Variants in PTPRO observed in about 807,000 individuals in gnomAD.
The protein encoded by PTPRO is receptor-type tyrosine-protein phosphatase O.
Under a neutral mutation model 145.2 loss-of-function variants are expected in PTPRO, and 62 were observed. The ratio of observed to expected loss-of-function variants is 0.43; its 90% confidence interval spans 0.35 to 0.53. The LOEUF is 0.53. PTPRO is among the 20% of genes least tolerant of loss of function. PTPRO has a pLI of 0.01. For synonymous variants in PTPRO, 565 were observed against 514.7 expected (o/e 1.10, Z -1.32); for missense variants, 1,345 against 1,482.7 (o/e 0.91, Z 1.53).
At position 15,443,308 on chromosome 12, in the gene PTPRO, G is replaced by C. The variant is rs556956861; in HGVS notation, c.76-40666G>C. ...CAGCCATATGCAGAAGAATGAAACTGGATCCCATATACTACAATTAACTGT... is the reference window on the plus strand; with the variant it reads ...CAGCCATATGCAGAAGAATGAAACTCGATCCCATATACTACAATTAACTGT... On this transcript the variant is annotated intron_variant, in intron 1 of 26. Coordinates refer to ENST00000281171, the MANE Select transcript of PTPRO (RefSeq NM_030667.3). 2.6e-5 allele frequency among the ~76,000 whole-genome samples: 4 copies of C among 152,088 alleles called. No homozygotes were observed. The East Asian group carries it at 7.7e-4, about 29-fold the overall frequency.
At chr12:15,360,785 T>C (rs1398710122) in intron 1 of PTPRO, among the ~76,000 whole-genome samples, 2 of 146,236 alleles carry the variant, frequency 1.4e-5, no homozygotes, top group African/African-American at 5.0e-5. Flanking sequence ...TGTGTATATA[T>C]GTGTGTATAT....
In PTPRO at chr12:15,557,639, G is replaced by T. The variant is rs534194575; in HGVS notation, c.2627+116G>T. ...GTCTGATTATCCTTTTGTAATTTCG[G>T]TGATGGTAGACTTTCAATGGCTAGA... is the stretch of plus-strand genomic sequence containing the variant. On this transcript the variant is annotated intron_variant, in intron 16 of 26. Coordinates refer to ENST00000281171, the MANE Select transcript of PTPRO (RefSeq NM_030667.3). The T allele has an allele frequency of 1.1e-4, 95 of 902,452 alleles. No individual in the cohort carries two copies. The East Asian group carries it at 1.9e-3, about 18-fold the overall frequency. The allele number at this position is 902,452 out of a possible 1,614,324, so 55.9% of individuals were successfully genotyped here.
At chr12:15,549,028 G>C in intron 13 of PTPRO, 66 bp from the exon 14 acceptor site, 1 of 1,508,764 alleles carries the variant, frequency 6.6e-7, no homozygotes, top group Non-Finnish European at 9.2e-7. Flanking sequence ...ACTCAACTAT[G>C]AAATATATTT....
At chr12:15,569,380 T>C in intron 18 of PTPRO, 37 bp from the exon 19 acceptor site, 3 of 1,522,596 alleles carry the variant, frequency 2.0e-6, no homozygotes, top group Non-Finnish European at 2.7e-6. Context: ...CAACAAGAAT[T>C]TTAAAATGTA....
intron 1 of PTPRO, among the ~76,000 whole-genome samples, chr12:15,385,811 C>CAA (rs761750012): frequency 0.013 from 483 of 36,578 alleles, 5 homozygotes; most frequent in Non-Finnish European, 0.015. Flanking sequence ...GACTCCATCT[C>CAA]AAAAAAAAAA....
intron 1 of PTPRO, among the ~76,000 whole-genome samples, chr12:15,467,360 TCCCTGCTAGTATGTGCTC>T: frequency 6.6e-6 from 1 of 152,104 alleles, no homozygotes; most frequent in South Asian, 2.1e-4. Context: ...CCTCCTTCCT[TCCCTGCTAGTATGTGCTC>T]TCCTGCTTTT....
At chr12:15,466,016 A>G (rs2136405625) in intron 1 of PTPRO, among the ~76,000 whole-genome samples, 1 of 152,304 alleles carries the variant, frequency 6.6e-6, no homozygotes, top group Admixed American at 6.5e-5. Flanking sequence ...AATATTATCC[A>G]ATATGATCAT....
intron 3 of PTPRO, among the ~76,000 whole-genome samples, chr12:15,497,734 T>C (rs1234472203): frequency 2.0e-5 from 3 of 152,256 alleles, no homozygotes; most frequent in African/African-American, 4.8e-5. Context: ...CGTTTCTTTC[T>C]GGGTATGATA....
In PTPRO at chr12:15,322,671, G is replaced by GCC; in HGVS notation, c.-55_-54dup. The GCC allele has an allele frequency of 8.7e-6, 13 of 1,496,644 alleles. No homozygotes were observed. Among genetic ancestry groups the GCC allele is most frequent in the Non-Finnish European group, 1.2e-5 (13 of 1,093,008 alleles). The allele number at this position is 1,496,644 out of a possible 1,614,324, so 92.7% of individuals were successfully genotyped here. ...CAGCCCCAGTTCGCCATTGTGAGCC[G>GCC]CCGCCGGGGGAGTCCGCTAGCGCAG... On this transcript the variant is annotated 5_prime_UTR_variant, in exon 1 of 27. Transcript: ENST00000281171. The surrounding 1 kb of genome is among the most constrained non-coding windows in gnomAD (Gnocchi z 6.3).
intron 10 of PTPRO, among the ~76,000 whole-genome samples, chr12:15,520,630 C>T (rs986863213): frequency 1.3e-5 from 2 of 152,150 alleles, no homozygotes; most frequent in African/African-American, 4.8e-5. Context: ...TCACACTGCA[C>T]AGTCGATTGA....
Position 15,514,083 on chromosome 12 carries a change from A to C in PTPRO, c.1465-1415A>C, listed in dbSNP as rs190702656. Among the ~76,000 whole-genome samples the C allele has an allele frequency of 6.3e-4, 96 of 152,318 alleles. 1 individual carries two copies. Among genetic ancestry groups the C allele is most frequent in the Admixed American group, 5.8e-3 (89 of 15,300 alleles). On this transcript the variant is annotated intron_variant, in intron 7 of 26. Transcript: ENST00000281171. ...GTGTGTGCCAACATTCAAATTTAAT[A>C]AATGCATTTTATTCATCTATACGTT...
At chr12:15,517,368 C>A (rs1038269421) in intron 9 of PTPRO, among the ~76,000 whole-genome samples, 2 of 152,170 alleles carry the variant, frequency 1.3e-5, no homozygotes, top group Admixed American at 1.3e-4. Context: ...CAGGGTCCCT[C>A]GCACAACACT....
At chr12:15,343,272 T>C (rs1486003691) in intron 1 of PTPRO, among the ~76,000 whole-genome samples, 1 of 152,200 alleles carries the variant, frequency 6.6e-6, no homozygotes, top group African/African-American at 2.4e-5. Flanking sequence ...GCTCCATGTA[T>C]TTATTTCTAA....
intron 1 of PTPRO, among the ~76,000 whole-genome samples, chr12:15,448,222 T>C (rs1402877117): frequency 6.6e-6 from 1 of 151,108 alleles, no homozygotes; most frequent in African/African-American, 2.4e-5. Context: ...GCTTACACTG[T>C]ATGTTAAAAA....
rs1940141710 is a variant in PTPRO, at chr12:15,421,419, G to C, written c.76-62555G>C. ...AGAAGGGAGAGAGTTAAGGAGAGAGGGAATAGGAAGGGCTCACATAACAAA... is the reference window on the plus strand; with the variant it reads ...AGAAGGGAGAGAGTTAAGGAGAGAGCGAATAGGAAGGGCTCACATAACAAA... On this transcript the variant is annotated intron_variant, in intron 1 of 26. Coordinates refer to ENST00000281171, the MANE Select transcript of PTPRO (RefSeq NM_030667.3). Among the ~76,000 whole-genome samples the C allele has an allele frequency of 2.0e-5, 3 of 152,096 alleles. No individual in the cohort carries two copies. The South Asian group carries it at 6.2e-4, about 32-fold the overall frequency.
intron 1 of PTPRO, among the ~76,000 whole-genome samples, chr12:15,378,237 A>G (rs1467759492): frequency 1.3e-5 from 2 of 152,072 alleles, no homozygotes; most frequent in East Asian, 3.8e-4. Flanking sequence ...AACAAAATGT[A>G]TAAACTGAAG....
chr12:15,522,185 T>C (rs1942735622), intron 10 of PTPRO, among the ~76,000 whole-genome samples: 1 of 152,100 alleles, frequency 6.6e-6, no homozygotes, highest in African/African-American at 2.4e-5. Flanking sequence ...AATAGATTAT[T>C]GTCTTTTTTA....
chr12:15,415,607 G>C (rs138658124), intron 1 of PTPRO, among the ~76,000 whole-genome samples: 28 of 151,534 alleles, frequency 1.8e-4, no homozygotes, highest in Non-Finnish European at 2.5e-4. Flanking sequence ...GGATGGTCTC[G>C]ATCTCCCGAC....
intron 1 of PTPRO, among the ~76,000 whole-genome samples, chr12:15,479,269 C>G (rs960747211): frequency 6.6e-6 from 1 of 152,150 alleles, no homozygotes; most frequent in Non-Finnish European, 1.5e-5. Flanking sequence ...AGCCCTTCCT[C>G]TAGAGGGGCA....
Sources: allele counts gnomAD v4.1 joint callset (sites outside exome capture counted in the v4.1 genomes callset), GRCh38; gene constraint gnomAD v4.1.1; non-coding constraint Gnocchi (gnomAD v3.1); transcripts MANE v1.5; gene names NCBI Gene and HGNC (gene_info 2026-07-23, HGNC 2026-07-21).